The following RGS22 variants were observed in gnomAD, a reference collection of about 807,000 sequenced individuals.
RGS22 encodes the protein regulator of G protein signaling 22.
A neutral mutation model predicts 172.9 loss-of-function variants in RGS22; 148 were observed. The observed-to-expected ratio is 0.86, with a 90% CI of 0.75 to 0.98. RGS22 has a LOEUF of 0.98. Ranked by LOEUF, RGS22 falls within the 50% of genes least tolerant of loss-of-function variation. The pLI, the probability that RGS22 is intolerant of heterozygous loss-of-function variation, is 0.00. For synonymous variants in RGS22, 458 were observed against 480.2 expected (o/e 0.95, Z 0.60); for missense variants, 1,347 against 1,440.8 (o/e 0.93, Z 1.05).
chr8:100,062,230 C>G (rs1185538719), intron 9 of RGS22, among the ~76,000 whole-genome samples: 1 of 151,908 alleles, frequency 6.6e-6, no homozygotes, highest in Non-Finnish European at 1.5e-5. Flanking sequence ...ATGAAATAAT[C>G]CATACAACAA....
At chr8:99,999,184 T>G in intron 19 of RGS22, 78 bp downstream of exon 19, 1 of 1,244,746 alleles carries the variant, frequency 8.0e-7, no homozygotes, top group South Asian at 1.6e-5. Context: ...GGACAATGGC[T>G]GGGTCACCAG....
rs750639392 is a variant in RGS22, at chr8:100,063,568, C to A, written c.1200G>T (p.Trp400Cys). The change falls in exon 8 of 28, where the codon TGG (tryptophan) becomes TGT (cysteine). Residue 400 changes from tryptophan (W) to cysteine (C), a missense_variant. Transcript: ENST00000360863. ...ESAGPESRAD[W>C]CISHRTYDIG... is the part of the protein sequence containing the mutation. ...TGTCATAAGTCCTATGAGAAATACACCAGTCCGCCCTGCTCTCTGGTCCAG... is the reference window on the plus strand; with the variant it reads ...TGTCATAAGTCCTATGAGAAATACAACAGTCCGCCCTGCTCTCTGGTCCAG... 1 of 1,614,022 alleles carries A rather than the reference C, an allele frequency of 6.2e-7. No individual in the cohort carries two copies. Among genetic ancestry groups the A allele is most frequent in the Non-Finnish European group, 8.5e-7 (1 of 1,179,980 alleles).
chr8:99,963,726 G>A (rs1810440707), intron 24 of RGS22, among the ~76,000 whole-genome samples: 1 of 152,138 alleles, frequency 6.6e-6, no homozygotes, highest in Non-Finnish European at 1.5e-5. Flanking sequence ...ATGATTCGAA[G>A]TATATGAGAG....
chr8:100,077,338 GATTT>G (rs1811429721), intron 4 of RGS22, among the ~76,000 whole-genome samples: 1 of 151,990 alleles, frequency 6.6e-6, no homozygotes, highest in Admixed American at 6.5e-5. Flanking sequence ...GTAGATCATA[GATTT>G]ATTTAGTCTT....
chr8:100,057,871 T>C (rs1320520846), intron 9 of RGS22, among the ~76,000 whole-genome samples: 1 of 152,112 alleles, frequency 6.6e-6, no homozygotes, highest in Non-Finnish European at 1.5e-5. Context: ...GAATGAAATA[T>C]GGCAACAGGG....
At chr8:100,105,127 G>A (rs926849063) in intron 2 of RGS22, among the ~76,000 whole-genome samples, 2 of 152,204 alleles carry the variant, frequency 1.3e-5, no homozygotes, top group African/African-American at 2.4e-5. Flanking sequence ...GAAATTAAAT[G>A]AGGCCATTTA....
chr8:100,014,092 G>T (rs1262450814), intron 14 of RGS22, among the ~76,000 whole-genome samples: 2 of 152,070 alleles, frequency 1.3e-5, no homozygotes, highest in African/African-American at 4.8e-5. Flanking sequence ...CCACATAACT[G>T]GGAAAAACCA....
intron 3 of RGS22, among the ~76,000 whole-genome samples, chr8:100,084,352 T>C (rs1186242950): frequency 6.6e-6 from 1 of 152,198 alleles, no homozygotes; most frequent in African/African-American, 2.4e-5. Context: ...AGGCAGTGTA[T>C]CCATTCTGAG....
intron 19 of RGS22, 77 bp downstream of exon 19, chr8:99,999,185 G>T: frequency 1.6e-6 from 2 of 1,278,420 alleles, no homozygotes; most frequent in Non-Finnish European, 2.1e-6. Context: ...GACAATGGCT[G>T]GGTCACCAGG....
At chr8:99,980,845 G>A (rs950786863) in intron 22 of RGS22, among the ~76,000 whole-genome samples, 3 of 152,084 alleles carry the variant, frequency 2.0e-5, no homozygotes, top group African/African-American at 7.2e-5. Flanking sequence ...AGAAAACCCA[G>A]GCTAGGTTAA....
At chr8:99,989,831 C>T (rs958761232) in intron 20 of RGS22, among the ~76,000 whole-genome samples, 9 of 151,274 alleles carry the variant, frequency 5.9e-5, no homozygotes, top group South Asian at 2.1e-4. Context: ...AGCGACAGAG[C>T]GAGACTCTGT....
intron 14 of RGS22, among the ~76,000 whole-genome samples, chr8:100,020,220 G>A (rs894780420): frequency 5.9e-5 from 9 of 152,080 alleles, no homozygotes; most frequent in Admixed American, 5.2e-4. Context: ...TAGCACTAAG[G>A]TTCTGCCTGA....
chr8:100,039,061 T>C (rs533967136), intron 13 of RGS22, 29 bp from the exon 14 acceptor site: 2 of 1,269,374 alleles, frequency 1.6e-6, no homozygotes, highest in South Asian at 2.6e-5. Context: ...CATAAATTAT[T>C]ACCACCCAAT....
In RGS22 at chr8:100,052,767, C is replaced by G. The variant is rs201355671; in HGVS notation, c.1689+35G>C. The G allele has an allele frequency of 6.9e-6, 11 of 1,585,510 alleles. No homozygotes were observed. The African/African-American group carries it at 1.2e-4, about 17-fold the overall frequency. On this transcript the variant is annotated intron_variant, in intron 10 of 27. Coordinates refer to ENST00000360863, the MANE Select transcript of RGS22 (RefSeq NM_015668.5). ...TCAAGCATACATATTTTACTACAAA[C>G]TTAGTAGAGATCACAGCATGAATGT...
intron 3 of RGS22, among the ~76,000 whole-genome samples, chr8:100,087,843 T>C (rs1303065488): frequency 6.6e-6 from 1 of 152,150 alleles, no homozygotes; most frequent in Non-Finnish European, 1.5e-5. Flanking sequence ...TATTCACCAA[T>C]GGGATGGAAT....
chr8:99,999,000 T>A (rs974642751), intron 19 of RGS22, among the ~76,000 whole-genome samples: 3 of 151,894 alleles, frequency 2.0e-5, no homozygotes, highest in African/African-American at 4.8e-5. Context: ...TTCAAAAAAA[T>A]TTTTTTCAAT....
At chr8:100,007,729 C>CA (rs1342785976) in intron 15 of RGS22, among the ~76,000 whole-genome samples, 1 of 144,286 alleles carries the variant, frequency 6.9e-6, no homozygotes, top group Admixed American at 7.1e-5. Flanking sequence ...GTACGGAGAG[C>CA]AAAAAATGAC....
rs369694331 is a variant in RGS22, at chr8:100,008,735, A to G, written c.2167-166T>C. On this transcript the variant is annotated intron_variant, in intron 14 of 27. Coordinates refer to ENST00000360863, the MANE Select transcript of RGS22 (RefSeq NM_015668.5). ...CTACTTAACACGAAGCAATGCATCTATTCGAAAGACTTTGTTTTTCCTTTT... is the reference window on the plus strand; with the variant it reads ...CTACTTAACACGAAGCAATGCATCTGTTCGAAAGACTTTGTTTTTCCTTTT... 2.6e-5 allele frequency among the ~76,000 whole-genome samples: 4 copies of G among 152,224 alleles called. No homozygotes were observed. The East Asian group carries it at 5.8e-4, about 22-fold the overall frequency.
At chr8:100,077,825 C>T (rs139432629) in intron 4 of RGS22, among the ~76,000 whole-genome samples, 1 of 152,152 alleles carries the variant, frequency 6.6e-6, no homozygotes, top group Non-Finnish European at 1.5e-5. Context: ...GCTTTAGTCT[C>T]CAACTATAAC....
Sources: allele counts gnomAD v4.1 joint callset (sites outside exome capture counted in the v4.1 genomes callset), GRCh38; gene constraint gnomAD v4.1.1; transcripts MANE v1.5; gene names NCBI Gene and HGNC (gene_info 2026-07-23, HGNC 2026-07-21).